GTF2IRD1: variants seen among roughly 807,000 people sequenced by gnomAD.
GTF2IRD1 encodes the protein general transcription factor II-I repeat domain-containing protein 1.
In GTF2IRD1, 26 loss-of-function variants were observed where a neutral mutation model predicts 113.2. The observed-to-expected ratio is 0.23, with a 90% CI of 0.17 to 0.32. GTF2IRD1 has a LOEUF of 0.32. Ranked by LOEUF, GTF2IRD1 falls within the 10% of genes least tolerant of loss-of-function variation. GTF2IRD1 has a pLI of 1.00. For synonymous variants in GTF2IRD1, 484 were observed against 529.1 expected (o/e 0.91, Z 1.17); for missense variants, 864 against 1,280.8 (o/e 0.67, Z 4.97).
chr7:74,553,786 T>A (rs1799449151), intron 17 of GTF2IRD1, among the ~76,000 whole-genome samples: 1 of 152,192 alleles, frequency 6.6e-6, no homozygotes, highest in Admixed American at 6.6e-5. Context: ...TCAGGGGCTC[T>A]GCCCAGCTTC....
At chr7:74,530,007 C>G (rs1406708050) in intron 9 of GTF2IRD1, 90 bp downstream of exon 9, 1 of 903,012 alleles carries the variant, frequency 1.1e-6, no homozygotes, top group Non-Finnish European at 1.7e-6. Context: ...GCCAGGAGTT[C>G]GAGACCAGCC....
At chr7:74,531,594 G>T (rs1427972338) in intron 9 of GTF2IRD1, among the ~76,000 whole-genome samples, 2 of 151,834 alleles carry the variant, frequency 1.3e-5, no homozygotes. Flanking sequence ...TTAAAAAGGA[G>T]CCAGGGGCTG....
chr7:74,516,365 C>G (rs1052884898), intron 4 of GTF2IRD1, among the ~76,000 whole-genome samples: 4 of 152,232 alleles, frequency 2.6e-5, no homozygotes, highest in Non-Finnish European at 5.9e-5. Context: ...CCAGCAACAG[C>G]AGGTGCTTGG....
chr7:74,547,728 G>A (rs1447216346), intron 17 of GTF2IRD1, among the ~76,000 whole-genome samples: 1 of 150,974 alleles, frequency 6.6e-6, no homozygotes, highest in Admixed American at 6.6e-5. Context: ...TGTGAGCCAC[G>A]GCACCAGGCC....
At position 74,508,076 on chromosome 7, in the gene GTF2IRD1, C is replaced by T. The variant is rs782610419; in HGVS notation, c.-5C>T. The T allele has an allele frequency of 6.9e-6, 11 of 1,604,388 alleles. No homozygotes were observed. Among genetic ancestry groups the T allele is most frequent in the Non-Finnish European group, 7.6e-6 (9 of 1,178,838 alleles). On this transcript the variant is annotated splice_region_variant and 5_prime_UTR_variant, in exon 2 of 27. Coordinates refer to ENST00000424337, the MANE Select transcript of GTF2IRD1 (RefSeq NM_005685.4). ...CCACTGCCTCCTCCCTCCCCACAGG[C>T]GACCATGGCCTTGCTGGGTAAGCGC...
chr7:74,580,319 T>A (rs1194342881), intron 22 of GTF2IRD1, among the ~76,000 whole-genome samples: 1 of 152,062 alleles, frequency 6.6e-6, no homozygotes, highest in Non-Finnish European at 1.5e-5. Flanking sequence ...CTGCTACAGA[T>A]CGCAGTCTCT....
intron 1 of GTF2IRD1, among the ~76,000 whole-genome samples, chr7:74,461,736 G>A (rs570697141): frequency 2.6e-5 from 4 of 152,116 alleles, no homozygotes; most frequent in South Asian, 4.2e-4. Context: ...ATGCCACCTC[G>A]CCCAGCCAAT....
rs1796713538 is a variant in GTF2IRD1 at position 74,512,815 on chromosome 7, C to T, written c.124-15C>T. 1 of 1,612,910 alleles carries T rather than the reference C, an allele frequency of 6.2e-7. No homozygotes were observed. Among genetic ancestry groups the T allele is most frequent in the Admixed American group, 1.7e-5 (1 of 59,930 alleles). ...TGGGGAGCCCTTCCGCTCACACAGC[C>T]TGCCCTTCCCACAGTGCTCAGCGCT... On this transcript the variant is annotated splice_polypyrimidine_tract_variant and intron_variant, in intron 2 of 26. Transcript: ENST00000424337. The surrounding 1 kb of genome is among the most constrained non-coding windows in gnomAD (Gnocchi z 4.4).
At chr7:74,466,497 C>T (rs916490891) in intron 1 of GTF2IRD1, among the ~76,000 whole-genome samples, 3 of 152,144 alleles carry the variant, frequency 2.0e-5, no homozygotes, top group Admixed American at 6.6e-5. Context: ...GTGCCAGCCA[C>T]GATGAGCCTC....
rs782637834 is a variant in GTF2IRD1, at chr7:74,508,234, G to A, written c.123+31G>A. ...TGTCCCCACCCACCCAAGAGGAGGGGACAGGGTGAGCGTCCCCACCTGCCT... is the reference window on the plus strand; with the variant it reads ...TGTCCCCACCCACCCAAGAGGAGGGAACAGGGTGAGCGTCCCCACCTGCCT... On this transcript the variant is annotated intron_variant, in intron 2 of 26. Coordinates refer to ENST00000424337, the MANE Select transcript of GTF2IRD1 (RefSeq NM_005685.4). 5.0e-6 allele frequency: 8 copies of A among 1,600,620 alleles called. No homozygotes were observed. The African/African-American group carries it at 1.1e-4, about 21-fold the overall frequency.
chr7:74,480,821 A>G (rs1004962146), intron 1 of GTF2IRD1, among the ~76,000 whole-genome samples: 1 of 152,128 alleles, frequency 6.6e-6, no homozygotes, highest in Non-Finnish European at 1.5e-5. Flanking sequence ...GCTCTCTTTG[A>G]GTGCTCCTAG....
Position 74,602,511 on chromosome 7 carries a change from T to C in GTF2IRD1, c.*78T>C. 3.3e-6 allele frequency: 4 copies of C among 1,203,524 alleles called. No individual in the cohort carries two copies. The highest frequency in any genetic ancestry group is 4.9e-6 in the Non-Finnish European group (4 of 817,492). 74.6% of individuals were successfully genotyped at this position (1,203,524 alleles called of 1,614,324 possible). ...TATGTACAAAATGTATATTCGGATA[T>C]GTATCGATGCCTTTTAGTTTTTCCA... is the stretch of plus-strand genomic sequence containing the variant. On this transcript the variant is annotated 3_prime_UTR_variant, in exon 27 of 27. Coordinates refer to ENST00000424337, the MANE Select transcript of GTF2IRD1 (RefSeq NM_005685.4).
At chr7:74,505,483 C>A (rs1554340792) in intron 1 of GTF2IRD1, among the ~76,000 whole-genome samples, 2 of 152,176 alleles carry the variant, frequency 1.3e-5, no homozygotes, top group Non-Finnish European at 2.9e-5. Flanking sequence ...TGGCCCACAG[C>A]CCAGCCCCTC....
At chr7:74,568,887 C>T (rs1408605048) in intron 22 of GTF2IRD1, among the ~76,000 whole-genome samples, 3 of 152,002 alleles carry the variant, frequency 2.0e-5, no homozygotes, top group Admixed American at 6.6e-5. Context: ...ACAGAGGTGC[C>T]GCCATGGATC....
intron 22 of GTF2IRD1, among the ~76,000 whole-genome samples, chr7:74,578,701 A>G (rs587719916): frequency 6.6e-6 from 1 of 152,322 alleles, no homozygotes; most frequent in South Asian, 2.1e-4. Context: ...CTAAGAATGC[A>G]ATTAACACTT....
chr7:74,560,916 C>A (rs183052387), intron 22 of GTF2IRD1, among the ~76,000 whole-genome samples: 315 of 152,254 alleles, frequency 2.1e-3, no homozygotes, highest in Non-Finnish European at 3.6e-3. Context: ...CCACTTCTGT[C>A]TCCACCATGG....
intron 1 of GTF2IRD1, among the ~76,000 whole-genome samples, chr7:74,455,613 G>A (rs1414247206): frequency 1.3e-5 from 2 of 152,190 alleles, no homozygotes; most frequent in African/African-American, 2.4e-5. Flanking sequence ...TTAGGTGGCC[G>A]TCATGAACCG....
At chr7:74,580,388 A>G (rs1554365783) in intron 22 of GTF2IRD1, among the ~76,000 whole-genome samples, 1 of 152,070 alleles carries the variant, frequency 6.6e-6, no homozygotes, top group Non-Finnish European at 1.5e-5. Context: ...AATGGTCGTA[A>G]TTACCAACGT....
At chr7:74,515,687 A>G in intron 4 of GTF2IRD1, 91 bp downstream of exon 4, 1 of 1,185,260 alleles carries the variant, frequency 8.4e-7, no homozygotes. Flanking sequence ...CTGTCCCACT[A>G]TGGGCCCTGG....
Sources: allele counts gnomAD v4.1 joint callset (sites outside exome capture counted in the v4.1 genomes callset), GRCh38; gene constraint gnomAD v4.1.1; non-coding constraint Gnocchi (gnomAD v3.1); transcripts MANE v1.5; gene names NCBI Gene and HGNC (gene_info 2026-07-23, HGNC 2026-07-21).